ARMC9: variants seen among roughly 807,000 people sequenced by gnomAD.
ARMC9 encodes lisH domain-containing protein ARMC9.
ARMC9 carries 94 observed loss-of-function variants against 107.0 expected under a neutral mutation model. That is an observed-to-expected ratio of 0.88 (90% CI 0.74 to 1.04). The LOEUF (loss-of-function observed/expected upper bound fraction) is 1.04. Among genes scored for constraint, ARMC9 ranks in the 50% least tolerant of loss-of-function variants. The probability of loss-of-function intolerance (pLI) is 0.00; values close to 1 mark genes in which losing one functional copy is unlikely to be tolerated. For synonymous variants in ARMC9, 380 were observed against 396.9 expected (o/e 0.96, Z 0.51); for missense variants, 942 against 1,030.1 (o/e 0.91, Z 1.17).
intron 10 of ARMC9, 117 bp from the exon 11 acceptor site, chr2:231,258,874 C>T: frequency 1.1e-6 from 1 of 918,034 alleles, no homozygotes; most frequent in Non-Finnish European, 1.7e-6. Flanking sequence ...GCCGGGAGGT[C>T]ATGCTGGGAG....
At chr2:231,286,088 T>A (rs140335817) in intron 17 of ARMC9, among the ~76,000 whole-genome samples, 60 of 152,326 alleles carry the variant, frequency 3.9e-4, no homozygotes, top group African/African-American at 1.3e-3. Context: ...GCAGAATTGA[T>A]GTCCTCAGCC....
intron 17 of ARMC9, among the ~76,000 whole-genome samples, chr2:231,283,405 C>T (rs567485614): frequency 6.6e-6 from 1 of 152,216 alleles, no homozygotes; most frequent in Admixed American, 6.5e-5. Context: ...TAACAATTTA[C>T]CCCAAAGCTT....
At chr2:231,335,712 C>CT (rs2044043990) in intron 20 of ARMC9, among the ~76,000 whole-genome samples, 1 of 152,194 alleles carries the variant, frequency 6.6e-6, no homozygotes, top group South Asian at 2.1e-4. Flanking sequence ...AGACTGCTGA[C>CT]TTTCCTCCTG....
At chr2:231,311,042 G>T (rs1272805746) in intron 19 of ARMC9, among the ~76,000 whole-genome samples, 3 of 152,082 alleles carry the variant, frequency 2.0e-5, no homozygotes, top group African/African-American at 7.2e-5. Context: ...TGGGAAGATC[G>T]CTTGAGCCCA....
Position 231,371,588 on chromosome 2 carries a change from C to T in ARMC9, c.*53C>T. 1 of 1,231,270 alleles carries T rather than the reference C, an allele frequency of 8.1e-7. No individual in the cohort carries two copies. Among genetic ancestry groups the T allele is most frequent in the Admixed American group, 4.2e-5 (1 of 23,852 alleles). 76.3% of individuals were successfully genotyped at this position (1,231,270 alleles called of 1,614,324 possible). A position where few individuals can be genotyped will look rare whatever the true frequency, so the allele number is the denominator to read the frequency against. On this transcript the variant is annotated 3_prime_UTR_variant, in exon 25 of 25. Coordinates refer to ENST00000611582, the MANE Select transcript of ARMC9 (RefSeq NM_001352754.2). ...TGCCGGAGGACCAGCCAGCTTCCCG[C>T]TCTCAGCTGGCAGCAGCTGCCGGTG...
intron 12 of ARMC9, among the ~76,000 whole-genome samples, chr2:231,264,540 C>T (rs183771715): frequency 1.3e-5 from 2 of 151,248 alleles, no homozygotes; most frequent in Non-Finnish European, 2.9e-5. Context: ...TCTAGTCGCC[C>T]AGGCTGGAGT....
chr2:231,278,601 A>G lies in ARMC9; in HGVS notation c.1551+143A>G, dbSNP rs569164508. 1.3e-5 allele frequency: 9 copies of G among 682,058 alleles called. No homozygotes were observed. The African/African-American group carries it at 1.5e-4, about 11-fold the overall frequency. 42.3% of individuals were successfully genotyped at this position (682,058 alleles called of 1,614,324 possible). A position where few individuals can be genotyped will look rare whatever the true frequency, so the allele number is the denominator to read the frequency against. The stretch of plus-strand genomic sequence containing the variant: ...TGTTCTCTGTCCTTCTGGGATTTTC[A>G]TAAGCAACTGGAAATCTTTTATAAT... On this transcript the variant is annotated intron_variant, in intron 16 of 24. Transcript: ENST00000611582.
intron 21 of ARMC9, among the ~76,000 whole-genome samples, chr2:231,349,887 AT>A (rs1474627009): frequency 6.6e-6 from 1 of 151,970 alleles, no homozygotes. Flanking sequence ...TATGATTGGA[AT>A]TTTTTTTACA....
At position 231,206,309 on chromosome 2, in the gene ARMC9, C is replaced by T. The variant is rs373735875; in HGVS notation, c.51+20C>T. ...AAAGAGGTAGGTATATTATACAAAG[C>T]AGAGGTCACAGAGAAACAGATCTTG... On this transcript the variant is annotated intron_variant, in intron 2 of 24. Transcript: ENST00000611582. The T allele has an allele frequency of 3.9e-5, 63 of 1,596,352 alleles. No homozygotes were observed. The highest frequency in any genetic ancestry group is 5.1e-5 in the Non-Finnish European group (59 of 1,167,858).
At chr2:231,226,834 C>T in intron 7 of ARMC9, 36 bp downstream of exon 7, 8 of 1,602,902 alleles carry the variant, frequency 5.0e-6, no homozygotes, top group Non-Finnish European at 6.8e-6. Flanking sequence ...CTAAGAACAA[C>T]TTTGCCAGTT....
At chr2:231,240,720 A>G (rs1364142425) in intron 9 of ARMC9, among the ~76,000 whole-genome samples, 9 of 152,108 alleles carry the variant, frequency 5.9e-5, no homozygotes, top group Non-Finnish European at 7.4e-5. Context: ...CCATTTTCCA[A>G]TTTTGGTAGT....
At chr2:231,261,778 C>G (rs1487396786) in intron 11 of ARMC9, among the ~76,000 whole-genome samples, 1 of 152,088 alleles carries the variant, frequency 6.6e-6, no homozygotes, top group African/African-American at 2.4e-5. Context: ...CTGGAGAGTT[C>G]ACATGTATAA....
At chr2:231,288,356 A>G (rs2040752982) in intron 17 of ARMC9, among the ~76,000 whole-genome samples, 1 of 152,150 alleles carries the variant, frequency 6.6e-6, no homozygotes, top group Admixed American at 6.5e-5. Flanking sequence ...GCCTGTGAGT[A>G]ATTTTTATTC....
intron 20 of ARMC9, among the ~76,000 whole-genome samples, chr2:231,336,639 TC>T (rs1416637430): frequency 1.3e-5 from 2 of 152,240 alleles, no homozygotes; most frequent in African/African-American, 4.8e-5. Context: ...TTTCCACACT[TC>T]CTTTCCCCTC....
At chr2:231,351,519 A>G (rs1351301837) in intron 21 of ARMC9, among the ~76,000 whole-genome samples, 1 of 152,142 alleles carries the variant, frequency 6.6e-6, no homozygotes, top group Non-Finnish European at 1.5e-5. Context: ...CAGCAGCCAG[A>G]GAGAATTATG....
At chr2:231,263,201 A>G (rs2038540423) in intron 12 of ARMC9, among the ~76,000 whole-genome samples, 1 of 152,230 alleles carries the variant, frequency 6.6e-6, no homozygotes, top group Admixed American at 6.5e-5. Flanking sequence ...GCTATTGTTA[A>G]ACTTCACAAC....
intron 18 of ARMC9, among the ~76,000 whole-genome samples, chr2:231,292,682 A>G (rs569998535): frequency 9.9e-5 from 15 of 152,228 alleles, no homozygotes; most frequent in Non-Finnish European, 2.2e-4. Context: ...ATCCGGGGCC[A>G]GGTTTGTCAC....
rs1005844754 is a variant in ARMC9 at position 231,219,810 on chromosome 2, C to T, written c.505-2918C>T. 2.6e-5 allele frequency among the ~76,000 whole-genome samples: 4 copies of T among 151,744 alleles called. No homozygotes were observed. In the East Asian group the frequency reaches 7.7e-4, roughly 29 times the overall value. On this transcript the variant is annotated intron_variant, in intron 5 of 24. Transcript: ENST00000611582. The stretch of plus-strand genomic sequence containing the variant: ...TTCATTAAAAAAATTGTAAAATACA[C>T]ATAACATAAAATTTACCATTTTGAC...
intron 17 of ARMC9, among the ~76,000 whole-genome samples, chr2:231,283,111 C>T (rs185643493): frequency 8.1e-4 from 124 of 152,158 alleles, no homozygotes; most frequent in Middle Eastern, 3.4e-3. Context: ...GGAAGAGTCA[C>T]AGTTGCAGGT....
Sources: gnomAD v4.1 joint callset for allele counts (sites outside exome capture counted in the v4.1 genomes callset) on GRCh38, gnomAD v4.1.1 for gene constraint, MANE v1.5 for transcripts, NCBI Gene and HGNC (gene_info 2026-07-23, HGNC 2026-07-21) for gene names.